Variants in PCDH9 observed in about 807,000 individuals in gnomAD.
PCDH9 encodes the protein protocadherin 9.
A neutral mutation model predicts 70.6 loss-of-function variants in PCDH9; 24 were observed. That is an observed-to-expected ratio of 0.34 (90% CI 0.25 to 0.48). The LOEUF (loss-of-function observed/expected upper bound fraction) is 0.48. Ranked by LOEUF, PCDH9 falls within the 20% of genes least tolerant of loss-of-function variation. PCDH9 has a pLI of 0.99. For missense variants in PCDH9, 1,281 were observed against 1,503.6 expected (o/e 0.85, Z 2.45); for synonymous variants, 562 against 558.5 (o/e 1.01, Z -0.09).
At chr13:66,658,396 C>T (rs2077961064) in intron 3 of PCDH9, among the ~76,000 whole-genome samples, 1 of 152,134 alleles carries the variant, frequency 6.6e-6, no homozygotes, top group Admixed American at 6.5e-5. Context: ...ATTGCTTAAA[C>T]TATAGAATAA....
At chr13:66,306,351 CA>C (rs1955465062) in intron 4 of PCDH9, 1 of 150,310 alleles carries the variant, frequency 6.7e-6, no homozygotes, top group Non-Finnish European at 1.5e-5. Context: ...CCCACCGAGA[CA>C]GGAAACAGTT....
chr13:66,455,710 T>C (rs1162505099), intron 4 of PCDH9, among the ~76,000 whole-genome samples: 3 of 152,168 alleles, frequency 2.0e-5, no homozygotes, highest in African/African-American at 7.2e-5. Context: ...TCTTCATTTA[T>C]AATATTTAGT....
chr13:66,490,532 T>A lies in PCDH9; in HGVS notation c.3340+140678A>T, dbSNP rs1002989680. On this transcript the variant is annotated intron_variant, in intron 4 of 4. Transcript: ENST00000377865. ...TGAGATTCAGCACAAGGTTTATTTA[T>A]TTTTTACATCTATTACCTCGATTTC... is the stretch of plus-strand genomic sequence containing the variant. 4.9e-5 allele frequency among the ~76,000 whole-genome samples: 7 copies of A among 142,020 alleles called. No individual in the cohort carries two copies. The South Asian group carries it at 1.8e-3, about 37-fold the overall frequency. The allele number at this position is 142,020 out of a possible 152,430, so 93.2% of individuals were successfully genotyped here. A position where few individuals can be genotyped will look rare whatever the true frequency, so the allele number is the denominator to read the frequency against.
chr13:67,197,140 G>A (rs1307334389), intron 2 of PCDH9, among the ~76,000 whole-genome samples: 1 of 151,950 alleles, frequency 6.6e-6, no homozygotes, highest in Non-Finnish European at 1.5e-5. Context: ...ATCAAAAGGA[G>A]TCTAAATTTA....
chr13:66,520,931 C>T (rs567017141), intron 4 of PCDH9, among the ~76,000 whole-genome samples: 3 of 152,066 alleles, frequency 2.0e-5, no homozygotes, highest in Admixed American at 6.6e-5. Flanking sequence ...GCAAAGGAGG[C>T]GTGTTTGACT....
At chr13:66,328,727 C>T (rs576311677) in intron 4 of PCDH9, among the ~76,000 whole-genome samples, 41 of 152,102 alleles carry the variant, frequency 2.7e-4, no homozygotes, top group African/African-American at 8.2e-4. Flanking sequence ...AGCAGCAGCA[C>T]GAGTAAGCAC....
chr13:67,087,346 G>T (rs529435876), intron 2 of PCDH9, among the ~76,000 whole-genome samples: 2 of 151,984 alleles, frequency 1.3e-5, no homozygotes, highest in Non-Finnish European at 2.9e-5. Context: ...TGACAGCAAA[G>T]ATTAAAGGAT....
intron 3 of PCDH9, among the ~76,000 whole-genome samples, chr13:66,702,824 G>C (rs761213890): frequency 2.6e-4 from 40 of 152,140 alleles, no homozygotes; most frequent in Non-Finnish European, 4.9e-4. Context: ...GCTTCCAGTA[G>C]TTTAAGGGAG....
intron 4 of PCDH9, among the ~76,000 whole-genome samples, chr13:66,380,712 T>G (rs1264678202): frequency 6.6e-6 from 1 of 151,874 alleles, no homozygotes; most frequent in African/African-American, 2.4e-5. Flanking sequence ...CCCGGCTAAT[T>G]TTTTGTATTT....
In PCDH9 at chr13:67,149,661, G is replaced by A. The variant is rs76181111; in HGVS notation, c.3036+75744C>T. 5.2e-3 allele frequency among the ~76,000 whole-genome samples: 789 copies of A among 151,916 alleles called. 13 individuals carry two copies. The highest frequency in any genetic ancestry group is 0.019 in the African/African-American group (768 of 41,410). ...TATCCTAAGATCACAAAGGAATTACGATTTCAACTTCCATGAAGAAAAATT... is the reference window on the plus strand; with the variant it reads ...TATCCTAAGATCACAAAGGAATTACAATTTCAACTTCCATGAAGAAAAATT... On this transcript the variant is annotated intron_variant, in intron 2 of 4. Coordinates refer to ENST00000377865, the MANE Select transcript of PCDH9 (RefSeq NM_203487.3).
intron 3 of PCDH9, among the ~76,000 whole-genome samples, chr13:66,773,226 G>C (rs1429565188): frequency 6.6e-6 from 1 of 152,140 alleles, no homozygotes; most frequent in Non-Finnish European, 1.5e-5. Flanking sequence ...ATGTTCAATG[G>C]CTGGAAATGT....
intron 4 of PCDH9, among the ~76,000 whole-genome samples, chr13:66,362,795 T>C (rs1956492874): frequency 1.3e-5 from 2 of 152,174 alleles, no homozygotes; most frequent in South Asian, 2.1e-4. Context: ...AGGATCATTA[T>C]ATCAGGCTCT....
At chr13:67,040,641 T>C (rs758934671) in intron 2 of PCDH9, among the ~76,000 whole-genome samples, 5 of 152,150 alleles carry the variant, frequency 3.3e-5, no homozygotes, top group Non-Finnish European at 7.3e-5. Flanking sequence ...ACCAAGTTTA[T>C]AGTACTTTGT....
At chr13:67,041,394 AG>A (rs1435765499) in intron 2 of PCDH9, among the ~76,000 whole-genome samples, 1 of 152,230 alleles carries the variant, frequency 6.6e-6, no homozygotes, top group African/African-American at 2.4e-5. Flanking sequence ...CTAAAACTTA[AG>A]TTTCAAATGA....
At chr13:67,119,622 CAT>C (rs1181234453) in intron 2 of PCDH9, among the ~76,000 whole-genome samples, 3 of 152,094 alleles carry the variant, frequency 2.0e-5, no homozygotes, top group African/African-American at 7.2e-5. Flanking sequence ...AGGAAAATGA[CAT>C]AAATTTGTTT....
intron 4 of PCDH9, among the ~76,000 whole-genome samples, chr13:66,539,808 C>T (rs1960867196): frequency 6.6e-6 from 1 of 151,350 alleles, no homozygotes; most frequent in African/African-American, 2.4e-5. Context: ...AAGAGATACC[C>T]AAAATAATAT....
chr13:66,693,278 T>C (rs950039482), intron 3 of PCDH9, among the ~76,000 whole-genome samples: 2 of 152,194 alleles, frequency 1.3e-5, no homozygotes, highest in Non-Finnish European at 2.9e-5. Context: ...AATTGTCAAG[T>C]CTCATTCAAA....
At chr13:67,038,818 T>C (rs2085057403) in intron 2 of PCDH9, among the ~76,000 whole-genome samples, 1 of 152,160 alleles carries the variant, frequency 6.6e-6, no homozygotes, top group Non-Finnish European at 1.5e-5. Context: ...TTTGCCCTGG[T>C]TCCCGACACA....
intron 3 of PCDH9, among the ~76,000 whole-genome samples, chr13:66,640,838 T>G (rs1174845863): frequency 6.6e-6 from 1 of 152,154 alleles, no homozygotes; most frequent in Non-Finnish European, 1.5e-5. Context: ...ACTGATCTTG[T>G]GTCACACAAT....
Sources: gnomAD v4.1 joint callset for allele counts (sites outside exome capture counted in the v4.1 genomes callset) on GRCh38, gnomAD v4.1.1 for gene constraint, MANE v1.5 for transcripts, NCBI Gene and HGNC (gene_info 2026-07-23, HGNC 2026-07-21) for gene names.